PPP2R2B: variants seen among roughly 807,000 people sequenced by gnomAD.
PPP2R2B encodes serine/threonine-protein phosphatase 2A 55 kDa regulatory subunit B beta isoform.
PPP2R2B carries 5 observed loss-of-function variants against 46.0 expected under a neutral mutation model. That is an observed-to-expected ratio of 0.11 (90% confidence interval 0.06 to 0.23). The LOEUF (loss-of-function observed/expected upper bound fraction) is 0.23. Among genes scored for constraint, PPP2R2B ranks in the 10% least tolerant of loss-of-function variants. PPP2R2B has a pLI of 1.00. For missense variants in PPP2R2B, 367 were observed against 575.0 expected (o/e 0.64, Z 3.70); for synonymous variants, 215 against 206.7 (o/e 1.04, Z -0.34).
chr5:146,642,368 AG>A (rs1252551558), intron 6 of PPP2R2B, among the ~76,000 whole-genome samples: 1 of 152,208 alleles, frequency 6.6e-6, no homozygotes, highest in Non-Finnish European at 1.5e-5. Flanking sequence ...GGATGGTAAG[AG>A]GTAGCATGGG....
At chr5:146,715,184 A>G (rs1780426973) in intron 2 of PPP2R2B, among the ~76,000 whole-genome samples, 1 of 152,170 alleles carries the variant, frequency 6.6e-6, no homozygotes, top group South Asian at 2.1e-4. Context: ...GGCCAGACCC[A>G]GGTGATGGTG....
chr5:146,877,947 T>G, intron 2 of PPP2R2B, 55 bp downstream of exon 2: 1 of 1,574,918 alleles, frequency 6.3e-7, no homozygotes, highest in South Asian at 1.2e-5. Context: ...GGAAGCACAG[T>G]GATCCGCAAC....
At chr5:147,000,140 C>A (rs1454928611) in intron 1 of PPP2R2B, among the ~76,000 whole-genome samples, 1 of 152,180 alleles carries the variant, frequency 6.6e-6, no homozygotes, top group Non-Finnish European at 1.5e-5. Context: ...TTTCTATTTA[C>A]ATTTTGACAT....
intron 5 of PPP2R2B, among the ~76,000 whole-genome samples, chr5:146,680,801 A>G (rs1778119740): frequency 6.6e-6 from 1 of 152,188 alleles, no homozygotes; most frequent in African/African-American, 2.4e-5. Context: ...CTTCCACCCA[A>G]ACAAACACAA....
chr5:147,074,035 C>CAA (rs1187876886), intron 2 of PPP2R2B, among the ~76,000 whole-genome samples: 24 of 113,854 alleles, frequency 2.1e-4, no homozygotes, highest in African/African-American at 6.7e-4. Flanking sequence ...GGCTCTGTCT[C>CAA]AAAAAAAAAA....
At chr5:146,757,622 G>T (rs1003043373) in intron 2 of PPP2R2B, among the ~76,000 whole-genome samples, 1 of 152,152 alleles carries the variant, frequency 6.6e-6, no homozygotes, top group African/African-American at 2.4e-5. Context: ...AGAGGACATA[G>T]GGGTCTTCCC....
intron 1 of PPP2R2B, among the ~76,000 whole-genome samples, chr5:147,010,173 C>CA (rs1754647416): frequency 6.6e-6 from 1 of 152,056 alleles, no homozygotes; most frequent in African/African-American, 2.4e-5. Context: ...ACAAACCCAG[C>CA]AATACATAAA....
intron 1 of PPP2R2B, among the ~76,000 whole-genome samples, chr5:146,900,666 G>A (rs1762805647): frequency 6.7e-6 from 1 of 150,190 alleles, no homozygotes. Flanking sequence ...ATGTGTGCAG[G>A]ATGTGCAGGT....
chr5:146,758,890 T>C (rs1262506807), intron 2 of PPP2R2B, among the ~76,000 whole-genome samples: 4 of 152,164 alleles, frequency 2.6e-5, no homozygotes, highest in Non-Finnish European at 5.9e-5. Context: ...ACCCCTAGGT[T>C]TTTTTACTTC....
At chr5:146,969,419 C>G (rs1752568069) in intron 1 of PPP2R2B, among the ~76,000 whole-genome samples, 1 of 152,106 alleles carries the variant, frequency 6.6e-6, no homozygotes, top group Non-Finnish European at 1.5e-5. Context: ...GAGGAGAGTA[C>G]AAAGCCAGGA....
chr5:146,758,744 T>A (rs1201288775), intron 2 of PPP2R2B, among the ~76,000 whole-genome samples: 1 of 152,170 alleles, frequency 6.6e-6, no homozygotes, highest in Non-Finnish European at 1.5e-5. Context: ...GGAAGGACAC[T>A]GGTTTGCAGA....
chr5:146,756,879 G>T (rs1262736477), intron 2 of PPP2R2B, among the ~76,000 whole-genome samples: 1 of 152,208 alleles, frequency 6.6e-6, no homozygotes, highest in Non-Finnish European at 1.5e-5. Flanking sequence ...TCTCTGCCAG[G>T]CAGGCTGAAG....
chr5:146,886,651 A>C lies in PPP2R2B; in HGVS notation c.79+169014T>G, dbSNP rs554939873. The stretch of plus-strand genomic sequence containing the variant: ...CATGATGTTCAAAAAATCATAAACC[A>C]GAATAAGCCAACTGCTACAATTTTT... On this transcript the variant is annotated intron_variant, in intron 1 of 8. Transcript: ENST00000336640. Among the ~76,000 whole-genome samples, 19 of 152,274 alleles carry C rather than the reference A, an allele frequency of 1.2e-4. No homozygotes were observed. The East Asian group carries it at 3.7e-3, about 29-fold the overall frequency.
intron 2 of PPP2R2B, among the ~76,000 whole-genome samples, chr5:146,815,444 GCTCA>G (rs1393179513): frequency 6.6e-6 from 1 of 152,224 alleles, no homozygotes; most frequent in Non-Finnish European, 1.5e-5. Flanking sequence ...CACAGTAGGT[GCTCA>G]CTAAGCATCT....
At chr5:147,022,901 T>C (rs1249669713) in intron 1 of PPP2R2B, among the ~76,000 whole-genome samples, 1 of 152,010 alleles carries the variant, frequency 6.6e-6, no homozygotes, top group African/African-American at 2.4e-5. Context: ...ATAAAGAACT[T>C]TTCAAAAAAG....
At chr5:146,621,099 A>C (rs563444635) in intron 7 of PPP2R2B, among the ~76,000 whole-genome samples, 2 of 152,252 alleles carry the variant, frequency 1.3e-5, no homozygotes, top group African/African-American at 2.4e-5. Flanking sequence ...GCATGGGCCA[A>C]GCACTGCCTG....
At chr5:146,812,724 T>TTATATATATA (rs764543835) in intron 2 of PPP2R2B, among the ~76,000 whole-genome samples, 5 of 15,078 alleles carry the variant, frequency 3.3e-4, no homozygotes, top group African/African-American at 7.1e-4. Flanking sequence ...TAGAGTTACT[T>TTATATATATA]TATATATATA....
intron 1 of PPP2R2B, among the ~76,000 whole-genome samples, chr5:147,014,920 T>C (rs1754926787): frequency 6.6e-6 from 1 of 151,888 alleles, no homozygotes; most frequent in Admixed American, 6.6e-5. Flanking sequence ...AAAAAATGAA[T>C]TTCATAGACT....
chr5:147,033,547 T>C (rs1159649728), intron 1 of PPP2R2B, among the ~76,000 whole-genome samples: 1 of 152,172 alleles, frequency 6.6e-6, no homozygotes. Context: ...TCTTTTTGCT[T>C]AGATGACTTC....
Sources: gnomAD v4.1 joint callset for allele counts (sites outside exome capture counted in the v4.1 genomes callset) on GRCh38, gnomAD v4.1.1 for gene constraint, MANE v1.5 for transcripts, NCBI Gene and HGNC (gene_info 2026-07-23, HGNC 2026-07-21) for gene names.